Variants in SHISA9 observed in about 807,000 individuals in gnomAD.
The protein encoded by SHISA9 is protein shisa-9.
SHISA9 carries 13 observed loss-of-function variants against 38.0 expected under a neutral mutation model. That is an observed-to-expected ratio of 0.34 (90% CI 0.22 to 0.54). The LOEUF (loss-of-function observed/expected upper bound fraction) is 0.54, where lower values mean the gene tolerates loss of function less well. Among genes scored for constraint, SHISA9 ranks in the 20% least tolerant of loss-of-function variants. The pLI is 0.91. For missense variants in SHISA9, 538 were observed against 575.8 expected (o/e 0.93, Z 0.67); for synonymous variants, 275 against 242.0 (o/e 1.14, Z -1.27).
chr16:13,166,538 T>C (rs577239721), intron 2 of SHISA9, among the ~76,000 whole-genome samples: 1 of 152,334 alleles, frequency 6.6e-6, no homozygotes, highest in Admixed American at 6.5e-5. Context: ...TTTCCTGCTT[T>C]ACTTTTCTCC....
At chr16:13,341,542 G>T in the SHISA9 span, among the ~76,000 whole-genome samples, 3 of 152,104 alleles carry the variant, frequency 2.0e-5, no homozygotes, top group African/African-American at 7.2e-5. Flanking sequence ...AAACATAAAA[G>T]ATGTCTATAG....
the SHISA9 span, among the ~76,000 whole-genome samples, chr16:13,446,161 G>A: frequency 6.6e-6 from 1 of 151,952 alleles, no homozygotes; most frequent in Non-Finnish European, 1.5e-5. Flanking sequence ...TGGCCAGGAT[G>A]GTCTCGGTCT....
the SHISA9 span, among the ~76,000 whole-genome samples, chr16:13,251,819 A>G: frequency 6.6e-6 from 1 of 152,224 alleles, no homozygotes; most frequent in East Asian, 1.9e-4. Context: ...TTGATGAACC[A>G]GCCTGGATCT....
chr16:13,439,485 A>T, the SHISA9 span, among the ~76,000 whole-genome samples: 1 of 152,236 alleles, frequency 6.6e-6, no homozygotes, highest in South Asian at 2.1e-4. Flanking sequence ...CCTTAAATAT[A>T]TACAATTTTT....
intron 2 of SHISA9, among the ~76,000 whole-genome samples, chr16:13,136,396 C>CTTTTTTTTTTTTTTT (rs35122409): frequency 1.0e-4 from 7 of 68,100 alleles, no homozygotes; most frequent in African/African-American, 3.8e-4. Context: ...CAGTTTCCTT[C>CTTTTTTTTTTTTTTT]TTTTTTTTTT....
chr16:13,204,242 AT>A (rs1567247495), intron 3 of SHISA9, among the ~76,000 whole-genome samples: 1 of 150,980 alleles, frequency 6.6e-6, no homozygotes, highest in Non-Finnish European at 1.5e-5. Flanking sequence ...CTATCTATCT[AT>A]CTATCTACCC....
intron 2 of SHISA9, among the ~76,000 whole-genome samples, chr16:13,127,759 C>T (rs957353258): frequency 2.6e-5 from 4 of 152,120 alleles, no homozygotes; most frequent in African/African-American, 9.7e-5. Flanking sequence ...GGCTTAACCA[C>T]GTCTATTTCA....
rs914568767 is a variant in SHISA9 at position 13,237,699 on chromosome 16, G to T, written c.*2290G>T. 6.7e-6 allele frequency: 1 copy of T among 148,526 alleles called. No individual in the cohort carries two copies. The highest frequency in any genetic ancestry group is 1.5e-5 in the Non-Finnish European group (1 of 67,104). 9.2% of individuals were successfully genotyped at this position (148,526 alleles called of 1,614,324 possible). A position where few individuals can be genotyped will look rare whatever the true frequency, so the allele number is the denominator to read the frequency against. On this transcript the variant is annotated 3_prime_UTR_variant, in exon 5 of 5. Coordinates refer to ENST00000558583, the MANE Select transcript of SHISA9 (RefSeq NM_001145204.3). ...AAAAAAAAGAGATCTTTCAAAGAAC[G>T]CATAATAGGAGATCTCCATGTATAA... is the stretch of plus-strand genomic sequence containing the variant.
the SHISA9 span, among the ~76,000 whole-genome samples, chr16:13,533,872 C>A: frequency 1.3e-5 from 2 of 151,638 alleles, no homozygotes; most frequent in Non-Finnish European, 2.9e-5. Context: ...CAAACTCCTC[C>A]TCCCAGGTTC....
intron 2 of SHISA9, among the ~76,000 whole-genome samples, chr16:13,042,736 A>G (rs559077502): frequency 8.5e-5 from 13 of 152,164 alleles, no homozygotes; most frequent in Non-Finnish European, 1.8e-4. Context: ...TAGTCACACC[A>G]TCTTTTTAAG....
At chr16:12,999,365 G>A (rs1034693580) in intron 2 of SHISA9, among the ~76,000 whole-genome samples, 4 of 152,142 alleles carry the variant, frequency 2.6e-5, no homozygotes, top group Middle Eastern at 3.2e-3. Context: ...GGCTGACAAT[G>A]GGCGCGTTGT....
intron 2 of SHISA9, among the ~76,000 whole-genome samples, chr16:13,060,490 C>T (rs1199602986): frequency 6.6e-6 from 1 of 152,076 alleles, no homozygotes; most frequent in East Asian, 1.9e-4. Flanking sequence ...TGAAAACAGC[C>T]TAGCACGGTG....
chr16:13,536,788 T>A, the SHISA9 span, among the ~76,000 whole-genome samples: 6 of 152,202 alleles, frequency 3.9e-5, no homozygotes, highest in Non-Finnish European at 5.9e-5. Context: ...ATAGGCATAG[T>A]CAGATAATAA....
At chr16:12,920,247 C>A (rs2071310744) in intron 2 of SHISA9, among the ~76,000 whole-genome samples, 1 of 152,146 alleles carries the variant, frequency 6.6e-6, no homozygotes, top group South Asian at 2.1e-4. Context: ...GTGCAGCACA[C>A]CAACATGGCA....
the SHISA9 span, among the ~76,000 whole-genome samples, chr16:13,347,909 G>A: frequency 2.0e-5 from 3 of 152,114 alleles, no homozygotes; most frequent in Non-Finnish European, 4.4e-5. Context: ...TGGCAAAGAG[G>A]AATTAGGATT....
intron 1 of SHISA9, among the ~76,000 whole-genome samples, chr16:12,915,776 C>T (rs192839374): frequency 1.3e-4 from 20 of 152,224 alleles, no homozygotes; most frequent in African/African-American, 2.4e-5. Flanking sequence ...AAGGAAGAAA[C>T]GGAATGAGGT....
chr16:13,117,172 C>G (rs59738760), intron 2 of SHISA9, among the ~76,000 whole-genome samples: 7,130 of 152,166 alleles, frequency 0.047, 269 homozygotes, highest in East Asian at 0.17. Flanking sequence ...GACAGGGTTT[C>G]ACCATGTTGG....
At chr16:13,251,686 T>C in the SHISA9 span, among the ~76,000 whole-genome samples, 25 of 152,280 alleles carry the variant, frequency 1.6e-4, no homozygotes, top group Middle Eastern at 3.4e-3. Context: ...ATCCTTCCTG[T>C]TTCATTCTTC....
chr16:13,151,820 G>T (rs951555811), intron 2 of SHISA9, among the ~76,000 whole-genome samples: 2 of 152,106 alleles, frequency 1.3e-5, no homozygotes, highest in Admixed American at 6.5e-5. Flanking sequence ...CCATGGATTC[G>T]CTGGCCTGTA....
Sources: gnomAD v4.1 joint callset for allele counts (sites outside exome capture counted in the v4.1 genomes callset) on GRCh38, gnomAD v4.1.1 for gene constraint, MANE v1.5 for transcripts, NCBI Gene and HGNC (gene_info 2026-07-23, HGNC 2026-07-21) for gene names.